The following CRPPA variants were observed in gnomAD, a reference collection of about 807,000 sequenced individuals.
CRPPA encodes D-ribitol-5-phosphate cytidylyltransferase.
Under a neutral mutation model 52.0 loss-of-function variants are expected in CRPPA, and 43 were observed. The ratio of observed to expected loss-of-function variants is 0.83; its 90% CI spans 0.65 to 1.07. CRPPA has a LOEUF of 1.07. Among genes scored for constraint, CRPPA ranks in the 50% least tolerant of loss-of-function variants. The pLI is 0.00. For missense variants in CRPPA, 629 were observed against 551.7 expected (o/e 1.14, Z -1.40); for synonymous variants, 250 against 203.5 (o/e 1.23, Z -1.94).
chr7:16,314,903 G>A (rs1039244544), intron 3 of CRPPA, among the ~76,000 whole-genome samples: 18 of 152,038 alleles, frequency 1.2e-4, no homozygotes, highest in Non-Finnish European at 2.6e-4. Context: ...GAAGCTTCCT[G>A]GATCTTTGGT....
chr7:16,286,097 A>AAAAAAAATATATATATAT, intron 5 of CRPPA, among the ~76,000 whole-genome samples: 1 of 39,118 alleles, frequency 2.6e-5, no homozygotes, highest in Non-Finnish European at 4.1e-5. Flanking sequence ...TAAAAAAAAA[A>AAAAAAAATATATATATAT]ATATATATAT....
At chr7:16,316,413 A>G (rs1434987131) in intron 3 of CRPPA, among the ~76,000 whole-genome samples, 1 of 152,140 alleles carries the variant, frequency 6.6e-6, no homozygotes, top group Non-Finnish European at 1.5e-5. Context: ...TAATGTTTAA[A>G]TTATATGTCT....
chr7:16,302,081 G>C (rs1784798989), intron 4 of CRPPA, among the ~76,000 whole-genome samples: 1 of 152,100 alleles, frequency 6.6e-6, no homozygotes, highest in South Asian at 2.1e-4. Context: ...CGGATCACGA[G>C]GTCAGGAGAT....
chr7:16,255,483 A>C lies in CRPPA; in HGVS notation c.1119+2907T>G, dbSNP rs189104789. Among the ~76,000 whole-genome samples, 619 of 152,338 alleles carry C rather than the reference A, an allele frequency of 4.1e-3. 3 individuals carry two copies. The highest frequency in any genetic ancestry group is 0.011 in the African/African-American group (437 of 41,560). ...AACCAAAAAAGAGCCTGCATTGCCA[A>C]GACAATCCTAAGCAAAAAGAACAAA... On this transcript the variant is annotated intron_variant, in intron 8 of 9. Transcript: ENST00000407010.
At chr7:16,184,525 CAT>C (rs1453152372) in intron 9 of CRPPA, among the ~76,000 whole-genome samples, 7 of 152,018 alleles carry the variant, frequency 4.6e-5, no homozygotes, top group Non-Finnish European at 1.0e-4. Flanking sequence ...AATAGAAAGT[CAT>C]ATTATTCTTA....
rs572998050 is a variant in CRPPA, at chr7:16,344,647, G to C, written c.684+31445C>G. Among the ~76,000 whole-genome samples, 10 of 152,106 alleles carry C rather than the reference G, an allele frequency of 6.6e-5. No homozygotes were observed. In the East Asian group the frequency reaches 1.9e-3, roughly 29 times the overall value. ...AAAGTTGCCTTATCAACTAGAAGAT[G>C]TTAATAAAAAGGTATAAATTATTTG... On this transcript the variant is annotated intron_variant, in intron 3 of 9. Transcript: ENST00000407010.
chr7:16,324,011 T>C (rs1785320162), intron 3 of CRPPA, among the ~76,000 whole-genome samples: 1 of 151,890 alleles, frequency 6.6e-6, no homozygotes, highest in Non-Finnish European at 1.5e-5. Context: ...CGGATGCAAA[T>C]AGGAGGAAGC....
In CRPPA at chr7:16,216,217, G is replaced by C. The variant is rs758565814; in HGVS notation, c.1120-20C>G. On this transcript the variant is annotated intron_variant, in intron 8 of 9. Transcript: ENST00000407010. Reference sequence around the variant, plus strand: ...ATGAACCTGCAAAATATAAAAGACAGTATTTAGAATATCATTCCCTTCAAC... The same window carrying C: ...ATGAACCTGCAAAATATAAAAGACACTATTTAGAATATCATTCCCTTCAAC... 2.7e-5 allele frequency: 40 copies of C among 1,493,970 alleles called. No homozygotes were observed. The highest frequency in any genetic ancestry group is 3.6e-5 in the Non-Finnish European group (40 of 1,096,430). 92.5% of individuals were successfully genotyped at this position (1,493,970 alleles called of 1,614,324 possible).
rs1782724530 is a variant in CRPPA at position 16,134,167 on chromosome 7, G to A, written c.1252-42368C>T. 1.6e-5 allele frequency among the ~76,000 whole-genome samples: 2 copies of A among 124,778 alleles called. 1 individual carries two copies. The highest frequency in any genetic ancestry group is 7.7e-4 in the South Asian group (2 of 2,598). The allele number at this position is 124,778 out of a possible 152,430, so 81.9% of individuals were successfully genotyped here. ...AGGATGGTCTCAATCCCCTGACCTC[G>A]TGATCCGCCCGCCTCGGCCCCCTAA... On this transcript the variant is annotated intron_variant, in intron 9 of 9. Transcript: ENST00000407010.
At chr7:16,213,555 C>G (rs1782210865) in intron 9 of CRPPA, among the ~76,000 whole-genome samples, 1 of 151,938 alleles carries the variant, frequency 6.6e-6, no homozygotes, top group Admixed American at 6.6e-5. Flanking sequence ...TCAAGACCAG[C>G]CGGGTCAACA....
rs555676577 is a variant in CRPPA at position 16,091,362 on chromosome 7, A to G, written c.*333T>C. The G allele has an allele frequency of 5.2e-6, 1 of 192,598 alleles. No homozygotes were observed. The highest frequency in any genetic ancestry group is 1.1e-4 in the South Asian group (1 of 9,374). The allele number at this position is 192,598 out of a possible 1,614,324, so 11.9% of individuals were successfully genotyped here. On this transcript the variant is annotated 3_prime_UTR_variant, in exon 10 of 10. Coordinates refer to ENST00000407010, the MANE Select transcript of CRPPA (RefSeq NM_001101426.4). ...TAGGATAATAACTGAAGTTTTCTAAATTCTCATTCCTTGAAAGAATAGCTC... is the reference window on the plus strand; with the variant it reads ...TAGGATAATAACTGAAGTTTTCTAAGTTCTCATTCCTTGAAAGAATAGCTC...
At chr7:16,384,491 T>C (rs765445448) in intron 2 of CRPPA, among the ~76,000 whole-genome samples, 1 of 152,208 alleles carries the variant, frequency 6.6e-6, no homozygotes, top group Non-Finnish European at 1.5e-5. Context: ...CTACAAGGGA[T>C]ATATGCCCAA....
intron 9 of CRPPA, among the ~76,000 whole-genome samples, chr7:16,191,864 A>G (rs891080541): frequency 6.6e-6 from 1 of 152,072 alleles, no homozygotes; most frequent in Non-Finnish European, 1.5e-5. Flanking sequence ...CTCTTACCAT[A>G]TAAGTTTCTT....
intron 9 of CRPPA, among the ~76,000 whole-genome samples, chr7:16,111,325 T>C (rs977072804): frequency 6.6e-6 from 1 of 152,114 alleles, no homozygotes; most frequent in Non-Finnish European, 1.5e-5. Context: ...GCACTGTTGG[T>C]AGGAACATGA....
intron 5 of CRPPA, among the ~76,000 whole-genome samples, chr7:16,286,071 A>G (rs1448305265): frequency 6.3e-5 from 2 of 31,978 alleles, no homozygotes; most frequent in Admixed American, 8.2e-4. Flanking sequence ...ATATATATAT[A>G]TATATATATA....
intron 8 of CRPPA, among the ~76,000 whole-genome samples, chr7:16,219,541 G>C (rs1284444720): frequency 3.6e-5 from 4 of 110,234 alleles, no homozygotes; most frequent in Non-Finnish European, 7.7e-5. Flanking sequence ...TTGATAGACC[G>C]CTAGCAAGAC....
chr7:16,149,284 C>T (rs1031521836), intron 9 of CRPPA, among the ~76,000 whole-genome samples: 2 of 152,162 alleles, frequency 1.3e-5, no homozygotes, highest in African/African-American at 4.8e-5. Context: ...TTTGGCTCCT[C>T]TTGGTCAAGT....
At chr7:16,216,275 C>G in intron 8 of CRPPA, 78 bp from the exon 9 acceptor site, 3 of 895,994 alleles carry the variant, frequency 3.3e-6, no homozygotes, top group Non-Finnish European at 5.1e-6. Context: ...TAAAGAAGCT[C>G]AAAACCCATA....
intron 9 of CRPPA, among the ~76,000 whole-genome samples, chr7:16,192,652 A>G (rs1334213594): frequency 6.6e-6 from 1 of 152,112 alleles, no homozygotes; most frequent in Non-Finnish European, 1.5e-5. Context: ...CCATCGCTGA[A>G]CATGTTTGAG....
Sources: allele counts gnomAD v4.1 joint callset (sites outside exome capture counted in the v4.1 genomes callset), GRCh38; gene constraint gnomAD v4.1.1; transcripts MANE v1.5; gene names NCBI Gene and HGNC (gene_info 2026-07-23, HGNC 2026-07-21).